RASSF4: variants seen among roughly 807,000 people sequenced by gnomAD.
RASSF4 encodes ras association domain-containing protein 4.
Under a neutral mutation model 41.1 loss-of-function variants are expected in RASSF4, and 38 were observed. The observed-to-expected ratio is 0.92, with a 90% CI of 0.71 to 1.21. The LOEUF (loss-of-function observed/expected upper bound fraction) is 1.21, where lower values mean the gene tolerates loss of function less well. Among genes scored for constraint, RASSF4 ranks in the 50% most tolerant of loss-of-function variants. The pLI, the probability that RASSF4 is intolerant of heterozygous loss-of-function variation, is 0.00. For missense variants in RASSF4, 414 were observed against 419.4 expected, an observed-to-expected ratio of 0.99 and a Z score of 0.11; for synonymous variants, 179 against 163.4, an observed-to-expected ratio of 1.10 and a Z score of -0.73.
At chr10:44,976,308 C>T (rs1055482904) in intron 3 of RASSF4, 14 of 152,192 alleles carry the variant, frequency 9.2e-5, no homozygotes, top group African/African-American at 3.1e-4. Context: ...CATTCTATCT[C>T]CAGAGAAAAC....
intron 3 of RASSF4, chr10:44,978,289 G>A: frequency 2.2e-6 from 1 of 462,552 alleles, no homozygotes. Flanking sequence ...ACAGATAAGA[G>A]AACCTAACCT....
Position 44,993,340 on chromosome 10 carries a change from C to T in RASSF4, c.*11C>T. ...GTGGAGGCCAAGTAACTGGCCAACA[C>T]CTGCCTCTTCCAAAGTCCCCAGCAG... is the stretch of plus-strand genomic sequence containing the variant. On this transcript the variant is annotated 3_prime_UTR_variant, in exon 11 of 11. Coordinates refer to ENST00000340258, the MANE Select transcript of RASSF4 (RefSeq NM_032023.4). The T allele has an allele frequency of 6.3e-7, 1 of 1,597,340 alleles. No individual in the cohort carries two copies. The highest frequency in any genetic ancestry group is 1.7e-5 in the Admixed American group (1 of 59,560).
chr10:44,971,700 C>A, intron 2 of RASSF4, 73 bp from the exon 3 acceptor site: 1 of 1,139,278 alleles, frequency 8.8e-7, no homozygotes, highest in Admixed American at 1.7e-5. Context: ...GAAACAGAGG[C>A]CAGGGAAGCC....
Position 44,977,659 on chromosome 10 carries a change from C to T in RASSF4, c.139-4862C>T, listed in dbSNP as rs774976580. 2.5e-6 allele frequency: 4 copies of T among 1,613,072 alleles called. No homozygotes were observed. In the Admixed American group the frequency reaches 5.0e-5, roughly 20 times the overall value. ...AGAGGCCAGCAGAGGGGCCAGTCCT[C>T]CTTGGCAGGTCCCTCTGGCTTGGCT... On this transcript the variant is annotated intron_variant, in intron 3 of 10. Transcript: ENST00000340258.
chr10:44,988,606 C>T (rs1045399849), intron 6 of RASSF4, among the ~76,000 whole-genome samples: 11 of 152,184 alleles, frequency 7.2e-5, no homozygotes, highest in African/African-American at 2.4e-4. Flanking sequence ...CTTTTAGACC[C>T]GCGCTTTCAA....
intron 3 of RASSF4, chr10:44,977,985 G>A (rs144604623): frequency 7.4e-6 from 12 of 1,611,832 alleles, no homozygotes; most frequent in African/African-American, 1.3e-5. Context: ...GTGGTCTCCC[G>A]AATTGTGGGC....
chr10:44,981,147 G>A (rs1841690929), intron 3 of RASSF4: 1 of 152,168 alleles, frequency 6.6e-6, no homozygotes, highest in African/African-American at 2.4e-5. Context: ...ATACAAAGAA[G>A]TTTCCATGGC....
chr10:44,966,623 C>T (rs1407901216), intron 1 of RASSF4, among the ~76,000 whole-genome samples: 1 of 152,194 alleles, frequency 6.6e-6, no homozygotes, highest in African/African-American at 2.4e-5. Flanking sequence ...TTTCTTGAAA[C>T]TGTGGTGCCA....
At chr10:44,992,126 G>A in intron 10 of RASSF4, 124 bp downstream of exon 10, 1 of 640,114 alleles carries the variant, frequency 1.6e-6, no homozygotes, top group Non-Finnish European at 2.8e-6. Context: ...GTACGGGAAG[G>A]CCTGCTAACC....
At chr10:44,981,166 T>C (rs1841692310) in intron 3 of RASSF4, 1 of 152,146 alleles carries the variant, frequency 6.6e-6, no homozygotes, top group African/African-American at 2.4e-5. Flanking sequence ...GCGTCCCTGT[T>C]CTCACAGGGC....
chr10:44,974,525 G>T (rs1222623879), intron 3 of RASSF4, among the ~76,000 whole-genome samples: 2 of 152,362 alleles, frequency 1.3e-5, no homozygotes, highest in East Asian at 3.9e-4. Context: ...CAGGGACACA[G>T]GGTGCTGTTT....
chr10:44,982,293 C>G (rs868584885), intron 3 of RASSF4: 4 of 622,530 alleles, frequency 6.4e-6, no homozygotes, highest in Non-Finnish European at 8.5e-6. Context: ...CTGTGTTCTG[C>G]GCTGTGCCCC....
chr10:44,991,120 G>A, intron 9 of RASSF4, 51 bp downstream of exon 9: 1 of 1,549,566 alleles, frequency 6.5e-7, no homozygotes, highest in African/African-American at 1.4e-5. Flanking sequence ...AGGGGTTCTT[G>A]GGTGACGGGG....
chr10:44,967,248 C>G (rs990565093), intron 1 of RASSF4, among the ~76,000 whole-genome samples: 5 of 152,170 alleles, frequency 3.3e-5, no homozygotes, highest in Non-Finnish European at 5.9e-5. Context: ...TGGGTCACCA[C>G]GGTGGAGACA....
At chr10:44,971,572 A>T (rs1292905481) in intron 2 of RASSF4, 2 of 684,692 alleles carry the variant, frequency 2.9e-6, no homozygotes, top group South Asian at 3.0e-5. Context: ...CCCGACCCCC[A>T]TGCCCCCCAC....
intron 1 of RASSF4, among the ~76,000 whole-genome samples, chr10:44,968,726 A>G (rs1239020726): frequency 1.3e-5 from 2 of 152,144 alleles, no homozygotes; most frequent in Non-Finnish European, 2.9e-5. Context: ...CAGCAGGTGG[A>G]GCTGAGCTTG....
chr10:44,970,346 G>T, intron 2 of RASSF4, 82 bp downstream of exon 2: 4 of 1,150,836 alleles, frequency 3.5e-6, no homozygotes, highest in Non-Finnish European at 3.9e-6. Context: ...AGGTGGAGGG[G>T]TTCTGAGCAC....
intron 3 of RASSF4, among the ~76,000 whole-genome samples, chr10:44,975,238 C>T (rs938109362): frequency 1.3e-5 from 2 of 152,148 alleles, no homozygotes; most frequent in Admixed American, 6.5e-5. Flanking sequence ...CCCAGGGGTG[C>T]GGAAAACCAG....
At position 44,989,651 on chromosome 10, in the gene RASSF4, C is replaced by A. The variant is rs755737075; in HGVS notation, c.634-19C>A. ...ATCTCCAAGCACCGTGATCTGACTT[C>A]CTGTGACTGCCTGTGCAGGTGGAAG... On this transcript the variant is annotated intron_variant, in intron 7 of 10. Coordinates refer to ENST00000340258, the MANE Select transcript of RASSF4 (RefSeq NM_032023.4). 19 of 1,613,622 alleles carry A rather than the reference C, an allele frequency of 1.2e-5. No homozygotes were observed. The Admixed American group carries it at 3.2e-4, about 27-fold the overall frequency.
Sources: gnomAD v4.1 joint callset for allele counts (sites outside exome capture counted in the v4.1 genomes callset) on GRCh38, gnomAD v4.1.1 for gene constraint, MANE v1.5 for transcripts, NCBI Gene and HGNC (gene_info 2026-07-23, HGNC 2026-07-21) for gene names.